The following SLC2A9 variants were observed in gnomAD, a reference collection of about 807,000 sequenced individuals.
SLC2A9 encodes solute carrier family 2 member 9.
A neutral mutation model predicts 50.6 loss-of-function variants in SLC2A9; 39 were observed. The ratio of observed to expected loss-of-function variants is 0.77; its 90% CI spans 0.60 to 1.01. The LOEUF (loss-of-function observed/expected upper bound fraction) is 1.01. Among genes scored for constraint, SLC2A9 ranks in the 50% least tolerant of loss-of-function variants. The probability of loss-of-function intolerance (pLI) is 0.00; values close to 1 mark genes in which losing one functional copy is unlikely to be tolerated. For missense variants in SLC2A9, 686 were observed against 677.6 expected, an observed-to-expected ratio of 1.01 and a Z score of -0.14; for synonymous variants, 324 against 276.9, an observed-to-expected ratio of 1.17 and a Z score of -1.69.
intron 2 of SLC2A9, among the ~76,000 whole-genome samples, chr4:9,998,902 A>G (rs1288908099): frequency 6.6e-6 from 1 of 152,234 alleles, no homozygotes; most frequent in African/African-American, 2.4e-5. Flanking sequence ...AAAACAAAAC[A>G]TACACAGTCT....
chr4:9,826,548 C>A lies in SLC2A9; in HGVS notation c.1472G>T (p.Gly491Val), dbSNP rs184184711. Reference protein sequence around the residue: ...FLVFATICITGAIYLYFVLPE... With the variant: ...FLVFATICITVAIYLYFVLPE... Reference sequence around the variant, plus strand: ...CAGCACAAAATACAGGTAGATAGCACCTGTGATACAAATTGTAGCAAAGAC... The same window carrying A: ...CAGCACAAAATACAGGTAGATAGCAACTGTGATACAAATTGTAGCAAAGAC... The change falls in exon 12 of 12, where the codon GGT becomes GTT. Residue 491 changes from glycine to valine, a missense_variant. Transcript: ENST00000264784. 4 of 1,614,028 alleles carry A rather than the reference C, an allele frequency of 2.5e-6. No homozygotes were observed. Among genetic ancestry groups the A allele is most frequent in the Middle Eastern group, 1.6e-4 (1 of 6,062 alleles).
intron 10 of SLC2A9, among the ~76,000 whole-genome samples, chr4:9,865,809 G>C (rs992243746): frequency 6.7e-6 from 1 of 148,902 alleles, no homozygotes; most frequent in African/African-American, 2.5e-5. Flanking sequence ...TTTGTTAGAC[G>C]GTCTTTGAAG....
At chr4:10,033,929 T>C (rs1035496970) in intron 1 of SLC2A9, among the ~76,000 whole-genome samples, 1 of 152,218 alleles carries the variant, frequency 6.6e-6, no homozygotes, top group African/African-American at 2.4e-5. Context: ...CCTGCAGAGC[T>C]TTCCGCCCTT....
intron 3 of SLC2A9, among the ~76,000 whole-genome samples, chr4:9,791,461 T>G (rs1360746879): frequency 6.6e-6 from 1 of 152,172 alleles, no homozygotes; most frequent in East Asian, 1.9e-4. Context: ...CCCCAATGCC[T>G]GATTTGATGA....
At chr4:9,810,734 T>C (rs1722769695) in intron 3 of SLC2A9, among the ~76,000 whole-genome samples, 1 of 152,256 alleles carries the variant, frequency 6.6e-6, no homozygotes, top group Admixed American at 6.5e-5. Flanking sequence ...ACATAAGTAT[T>C]TGCCATTTCT....
At chr4:9,941,282 A>C (rs1577997123) in intron 6 of SLC2A9, among the ~76,000 whole-genome samples, 1 of 152,222 alleles carries the variant, frequency 6.6e-6, no homozygotes, top group East Asian at 1.9e-4. Context: ...CTGACTCAGC[A>C]TCCCCCCATT....
chr4:9,913,422 G>A (rs1160668078), intron 7 of SLC2A9, among the ~76,000 whole-genome samples: 2 of 151,962 alleles, frequency 1.3e-5, no homozygotes, highest in Admixed American at 6.6e-5. Flanking sequence ...AAACACAGAG[G>A]TGGCCGCCAC....
chr4:9,925,739 C>A (rs1008286849), intron 6 of SLC2A9, among the ~76,000 whole-genome samples: 5 of 152,072 alleles, frequency 3.3e-5, no homozygotes, highest in Non-Finnish European at 7.3e-5. Context: ...TAGTAAAAAT[C>A]AAGACTCAGG....
intron 1 of SLC2A9, 161 bp from the exon 2 acceptor site, chr4:10,019,234 G>T (rs907531790): frequency 7.7e-6 from 5 of 650,016 alleles, no homozygotes; most frequent in Non-Finnish European, 1.4e-5. Flanking sequence ...TTGGGGACCT[G>T]CAAGTAGGGT....
At chr4:9,836,088 C>CAAAAAAAAAAAAAAAAAAAAAAA (rs35303241) in intron 10 of SLC2A9, among the ~76,000 whole-genome samples, 1 of 48,220 alleles carries the variant, frequency 2.1e-5, no homozygotes, top group Non-Finnish European at 3.5e-5. Flanking sequence ...AACTCCCTCT[C>CAAAAAAAAAAAAAAAAAAAAAAA]AAAAAAAAAA....
chr4:9,795,245 C>A (rs115591508), downstream of SLC2A9, among the ~76,000 whole-genome samples: 519 of 152,036 alleles, frequency 3.4e-3, 4 homozygotes, highest in African/African-American at 0.011. Flanking sequence ...CTCTTGACCT[C>A]ATGATCCACC....
chr4:9,896,453 T>C (rs1296076184), intron 8 of SLC2A9, among the ~76,000 whole-genome samples: 1 of 152,212 alleles, frequency 6.6e-6, no homozygotes, highest in African/African-American at 2.4e-5. Flanking sequence ...AAGTGGGCAG[T>C]TGGTCTTATT....
chr4:9,835,223 C>T (rs569203850), intron 10 of SLC2A9, among the ~76,000 whole-genome samples: 1 of 152,244 alleles, frequency 6.6e-6, no homozygotes, highest in East Asian at 1.9e-4. Context: ...CATTTATTAC[C>T]CTTTACTTTC....
At chr4:9,910,613 T>C (rs1231710186) in intron 7 of SLC2A9, among the ~76,000 whole-genome samples, 2 of 152,228 alleles carry the variant, frequency 1.3e-5, no homozygotes, top group African/African-American at 4.8e-5. Flanking sequence ...CTGATCCCCA[T>C]GGCCTGACCA....
intron 7 of SLC2A9, among the ~76,000 whole-genome samples, chr4:9,908,959 C>G (rs781542264): frequency 6.6e-6 from 1 of 152,120 alleles, no homozygotes; most frequent in Admixed American, 6.5e-5. Context: ...GCCTCAGCAG[C>G]CTTTTTTGGA....
intron 6 of SLC2A9, among the ~76,000 whole-genome samples, chr4:9,924,636 A>G (rs764387897): frequency 1.3e-5 from 2 of 151,952 alleles, no homozygotes; most frequent in Non-Finnish European, 2.9e-5. Context: ...TGCTTCCTCA[A>G]TTGCATCCTC....
intron 10 of SLC2A9, among the ~76,000 whole-genome samples, chr4:9,860,101 G>A (rs559625152): frequency 6.6e-6 from 1 of 152,304 alleles, no homozygotes; most frequent in South Asian, 2.1e-4. Flanking sequence ...CGCAGTTCCT[G>A]TTGGATGGCA....
intron 5 of SLC2A9, among the ~76,000 whole-genome samples, chr4:9,946,044 C>T (rs1463803413): frequency 3.3e-5 from 5 of 152,272 alleles, no homozygotes; most frequent in South Asian, 4.1e-4. Context: ...CGCCACCAAA[C>T]GACAACCTCA....
At chr4:9,983,809 G>T (rs1277664213) in intron 4 of SLC2A9, among the ~76,000 whole-genome samples, 1 of 152,182 alleles carries the variant, frequency 6.6e-6, no homozygotes, top group Non-Finnish European at 1.5e-5. Context: ...TTAAGTTTCG[G>T]GGTTTTTAAA....
Sources: gnomAD v4.1 joint callset for allele counts (sites outside exome capture counted in the v4.1 genomes callset) on GRCh38, gnomAD v4.1.1 for gene constraint, MANE v1.5 for transcripts, NCBI Gene and HGNC (gene_info 2026-07-23, HGNC 2026-07-21) for gene names.